The following CD82 variants were observed in gnomAD, a reference collection of about 807,000 sequenced individuals.
CD82 encodes the protein CD82 molecule.
CD82 carries 36 observed loss-of-function variants against 37.4 expected under a neutral mutation model. The observed-to-expected ratio is 0.96, with a 90% CI of 0.74 to 1.27. The LOEUF is 1.27. CD82 is among the 50% of genes most tolerant of loss of function. The probability of loss-of-function intolerance (pLI) is 0.00; values close to 1 mark genes in which losing one functional copy is unlikely to be tolerated. For synonymous variants in CD82, 158 were observed against 137.4 expected (o/e 1.15, Z -1.05); for missense variants, 340 against 347.0 (o/e 0.98, Z 0.16).
intron 1 of CD82, among the ~76,000 whole-genome samples, chr11:44,584,450 C>T (rs1435145568): frequency 6.6e-6 from 1 of 152,130 alleles, no homozygotes; most frequent in Admixed American, 6.5e-5. Flanking sequence ...CCATGCCCAG[C>T]TAATTTTTTG....
intron 4 of CD82, among the ~76,000 whole-genome samples, chr11:44,602,130 C>T (rs1464324168): frequency 6.6e-6 from 1 of 152,200 alleles, no homozygotes; most frequent in Non-Finnish European, 1.5e-5. Flanking sequence ...GATGAGGTAG[C>T]CTAGCTTCCG....
chr11:44,612,422 G>A (rs1853496076), intron 6 of CD82, among the ~76,000 whole-genome samples: 1 of 152,024 alleles, frequency 6.6e-6, no homozygotes. Context: ...CATTTAAAGT[G>A]CTTACCACAG....
chr11:44,579,746 G>A (rs1228699100), intron 1 of CD82, among the ~76,000 whole-genome samples: 1 of 152,164 alleles, frequency 6.6e-6, no homozygotes, highest in African/African-American at 2.4e-5. Flanking sequence ...GCCCTCTGTG[G>A]GAAGCACAGC....
At chr11:44,567,557 G>T (rs1852754296) in intron 1 of CD82, among the ~76,000 whole-genome samples, 1 of 152,096 alleles carries the variant, frequency 6.6e-6, no homozygotes, top group Non-Finnish European at 1.5e-5. Flanking sequence ...GTCTCTTCAA[G>T]CACTGAAGTG....
At chr11:44,569,703 T>G (rs569779252) in intron 1 of CD82, among the ~76,000 whole-genome samples, 1 of 152,222 alleles carries the variant, frequency 6.6e-6, no homozygotes, top group East Asian at 1.9e-4. Context: ...ACCTCCCTAT[T>G]TTTACCTTGT....
chr11:44,604,717 A>G, intron 4 of CD82: 1 of 359,144 alleles, frequency 2.8e-6, no homozygotes, highest in South Asian at 2.4e-5. Flanking sequence ...TTCTGCCCTC[A>G]TGCACCTCAG....
At chr11:44,604,096 G>A (rs1004394719) in intron 4 of CD82, among the ~76,000 whole-genome samples, 8 of 152,216 alleles carry the variant, frequency 5.3e-5, no homozygotes, top group African/African-American at 1.7e-4. Context: ...CAGCCCAGCA[G>A]TTCTCTGCAG....
At chr11:44,603,849 C>T (rs962320621) in intron 4 of CD82, among the ~76,000 whole-genome samples, 4 of 152,298 alleles carry the variant, frequency 2.6e-5, no homozygotes, top group Non-Finnish European at 4.4e-5. Flanking sequence ...CATTCCTGTA[C>T]CTCCTAAGCA....
chr11:44,564,761 G>A (rs1435218517), upstream of CD82, among the ~76,000 whole-genome samples: 1 of 152,206 alleles, frequency 6.6e-6, no homozygotes, highest in Non-Finnish European at 1.5e-5. Flanking sequence ...ACTTCCCCAG[G>A]GGCCAGTCCA....
intron 1 of CD82, among the ~76,000 whole-genome samples, chr11:44,575,160 G>T (rs181499907): frequency 9.2e-5 from 14 of 152,324 alleles, no homozygotes; most frequent in African/African-American, 3.4e-4. Flanking sequence ...CCCACAGGAG[G>T]AGGAGGAGCA....
intron 2 of CD82, among the ~76,000 whole-genome samples, chr11:44,589,873 G>A (rs902602771): frequency 3.3e-5 from 5 of 151,522 alleles, no homozygotes; most frequent in African/African-American, 4.9e-5. Flanking sequence ...TCGCTCTGTC[G>A]CCCAGGCTGG....
rs754558079 is a variant in CD82 at position 44,618,635 on chromosome 11, T to C, written c.643-5T>C. On this transcript the variant is annotated splice_region_variant and splice_polypyrimidine_tract_variant and intron_variant, in intron 8 of 9. Transcript: ENST00000227155. ...GGGTGATGTGACCGCATTCTGCCCT[T>C]GCAGGGCTGCATGGAGAAGGTGCAG... 11 of 1,609,440 alleles carry C rather than the reference T, an allele frequency of 6.8e-6. No homozygotes were observed. The South Asian group carries it at 1.2e-4, about 18-fold the overall frequency.
chr11:44,566,785 G>A (rs1487636865), intron 1 of CD82, among the ~76,000 whole-genome samples: 1 of 151,772 alleles, frequency 6.6e-6, no homozygotes, highest in East Asian at 1.9e-4. Context: ...CTTCCTATGG[G>A]GAATGAGCCT....
At chr11:44,565,187 C>T (rs1852710182), upstream of CD82, among the ~76,000 whole-genome samples, 1 of 152,084 alleles carries the variant, frequency 6.6e-6, no homozygotes, top group East Asian at 1.9e-4. Flanking sequence ...ATTAGGAAGG[C>T]GCTGAGCCCA....
intron 2 of CD82, 28 bp downstream of exon 2, chr11:44,587,584 G>T (rs1338050910): frequency 2.2e-6 from 1 of 456,212 alleles, no homozygotes. Flanking sequence ...AGGAGTGGTG[G>T]GTTGGAGGGG....
chr11:44,594,511 G>C (rs1853192967), intron 2 of CD82, 132 bp from the exon 3 acceptor site: 1 of 645,598 alleles, frequency 1.5e-6, no homozygotes, highest in Non-Finnish European at 2.8e-6. Flanking sequence ...GTGGCTTTGG[G>C]CTAGTTGTCT....
chr11:44,574,952 G>A lies in CD82; in HGVS notation c.-103+9216G>A, dbSNP rs140516842. On this transcript the variant is annotated intron_variant, in intron 1 of 9. Transcript: ENST00000227155. Reference sequence around the variant, plus strand: ...TAGTATCCACATTGCTATAATGATCGCCTTGTCCCTATGTATATTTTGTAC... The same window carrying A: ...TAGTATCCACATTGCTATAATGATCACCTTGTCCCTATGTATATTTTGTAC... 3.0e-3 allele frequency among the ~76,000 whole-genome samples: 461 copies of A among 152,286 alleles called. 2 individuals are homozygous for A. The highest frequency in any genetic ancestry group is 9.8e-3 in the African/African-American group (406 of 41,544).
chr11:44,602,847 C>T (rs1231851783), intron 4 of CD82, among the ~76,000 whole-genome samples: 2 of 152,092 alleles, frequency 1.3e-5, no homozygotes, highest in African/African-American at 2.4e-5. Flanking sequence ...TGTCTGGTCT[C>T]CCAGGGGAAG....
chr11:44,569,687 G>C (rs1852787923), intron 1 of CD82, among the ~76,000 whole-genome samples: 11 of 152,112 alleles, frequency 7.2e-5, no homozygotes, highest in Admixed American at 7.2e-4. Flanking sequence ...AAGAGCACTT[G>C]ATCCTACCTC....
Sources: gnomAD v4.1 joint callset for allele counts (sites outside exome capture counted in the v4.1 genomes callset) on GRCh38, gnomAD v4.1.1 for gene constraint, MANE v1.5 for transcripts, NCBI Gene and HGNC (gene_info 2026-07-23, HGNC 2026-07-21) for gene names.